The following SYNE1 variants were observed in gnomAD, a reference collection of about 807,000 sequenced individuals.
The protein encoded by SYNE1 is spectrin repeat containing nuclear envelope protein 1, also known as nesprin-1.
A neutral mutation model predicts 1,111.0 loss-of-function variants in SYNE1; 616 were observed. The ratio of observed to expected loss-of-function variants is 0.55; its 90% CI spans 0.52 to 0.59. The LOEUF (loss-of-function observed/expected upper bound fraction) is 0.59. Ranked by LOEUF, SYNE1 falls within the 20% of genes least tolerant of loss-of-function variation. SYNE1 has a pLI of 0.00. For synonymous variants in SYNE1, 3,855 were observed against 3,825.8 expected (o/e 1.01, Z -0.28); for missense variants, 10,006 against 10,417.0 (o/e 0.96, Z 1.72).
In SYNE1 at chr6:152,300,649, C is replaced by A; in HGVS notation, c.17674G>T (p.Val5892Phe). ...TGCCAACTGGGAGGTACCTGGTTAA[C>A]AGAAGCATCTGTATTAGCCACAGGT... ...PSPVANTDAS[V>F]NQDIAYYQAL... Residue 5892 changes from valine (V) to phenylalanine (F), a missense_variant, in exon 93 of 146, where the codon GTT (valine) becomes TTT (phenylalanine). By Grantham distance (50) the Val-to-Phe change is conservative. Around this residue, in one of 7 missense-constraint regions of SYNE1, gnomAD observed 4,955 missense variants for 5,017.2 expected, o/e 0.99. Coordinates refer to ENST00000367255, the MANE Select transcript of SYNE1 (RefSeq NM_182961.4). 1 of 1,614,180 alleles carries A rather than the reference C, an allele frequency of 6.2e-7. No homozygotes were observed. Among genetic ancestry groups the A allele is most frequent in the Non-Finnish European group, 8.5e-7 (1 of 1,180,044 alleles).
intron 142 of SYNE1, chr6:152,133,862 G>C (rs996844334): frequency 1.2e-4 from 25 of 210,786 alleles, no homozygotes; most frequent in African/African-American, 5.1e-4. Context: ...GCAGAAGTAT[G>C]TCTAGGTATC....
chr6:152,510,002 A>C (rs560729824), intron 8 of SYNE1, among the ~76,000 whole-genome samples, 191 bp downstream of exon 8: 6 of 152,230 alleles, frequency 3.9e-5, no homozygotes, highest in Non-Finnish European at 8.8e-5. Flanking sequence ...TAATTTTTTA[A>C]GAGCATTTTC....
At chr6:152,243,010 A>G (rs4869758) in intron 106 of SYNE1, among the ~76,000 whole-genome samples, 87,109 of 151,948 alleles carry the variant, frequency 0.57, 25,329 homozygotes, top group East Asian at 0.75. Flanking sequence ...ATATGTCTAT[A>G]AAAAATAAGG....
intron 135 of SYNE1, among the ~76,000 whole-genome samples, chr6:152,150,621 A>C (rs2060244767): frequency 6.6e-6 from 1 of 152,200 alleles, no homozygotes; most frequent in Non-Finnish European, 1.5e-5. Flanking sequence ...AAATCCATCT[A>C]TCTTGGGAGG....
At chr6:152,342,486 A>G (rs1436883728) in intron 74 of SYNE1, among the ~76,000 whole-genome samples, 1 of 152,276 alleles carries the variant, frequency 6.6e-6, no homozygotes, top group Admixed American at 6.5e-5. Flanking sequence ...AAAGTAAAAT[A>G]TGAACACTTT....
In SYNE1 at chr6:152,636,671, C is replaced by T. The variant is rs901970682; in HGVS notation, c.-257G>A. 2.0e-5 allele frequency: 3 copies of T among 152,502 alleles called. No individual in the cohort carries two copies. Among genetic ancestry groups the T allele is most frequent in the African/African-American group, 4.8e-5 (2 of 41,466 alleles). 9.4% of individuals were successfully genotyped at this position (152,502 alleles called of 1,614,324 possible). On this transcript the variant is annotated 5_prime_UTR_variant, in exon 2 of 146. Coordinates refer to ENST00000367255, the MANE Select transcript of SYNE1 (RefSeq NM_182961.4). The stretch of plus-strand genomic sequence containing the variant: ...TCGGCCTCGTTCAGTTTCCCAGCAG[C>T]AAGGCGAAGCGAGCGAACGCTTCCT...
intron 35 of SYNE1, 55 bp from the exon 36 acceptor site, chr6:152,430,265 A>G: frequency 2.1e-6 from 3 of 1,404,562 alleles, no homozygotes; most frequent in Non-Finnish European, 3.0e-6. Context: ...TAGCAAGACA[A>G]AAAAAAAAGT....
At chr6:152,158,833 T>C (rs1267205262) in intron 131 of SYNE1, among the ~76,000 whole-genome samples, 1 of 152,236 alleles carries the variant, frequency 6.6e-6, no homozygotes, top group Non-Finnish European at 1.5e-5. Flanking sequence ...TTTTATTTCA[T>C]TTTCCCTAAA....
At chr6:152,628,047 A>AAAAAAG (rs1241718716) in intron 3 of SYNE1, among the ~76,000 whole-genome samples, 1 of 150,682 alleles carries the variant, frequency 6.6e-6, no homozygotes, top group Admixed American at 6.6e-5. Flanking sequence ...AAAATTACAA[A>AAAAAAG]AAAAAAAAAA....
At chr6:152,303,564 G>A (rs1951925) in intron 91 of SYNE1, among the ~76,000 whole-genome samples, 125,381 of 151,986 alleles carry the variant, frequency 0.82, 52,362 homozygotes, top group African/African-American at 0.95. Context: ...ACTGAGGGGC[G>A]TTGGTTCTAG....
intron 130 of SYNE1, chr6:152,167,898 CTT>C (rs781535705): frequency 8.0e-6 from 6 of 750,932 alleles, no homozygotes; most frequent in Middle Eastern, 2.3e-4. Context: ...GTCCATTAAC[CTT>C]TTTGTCCAGC....
At chr6:152,548,235 C>T (rs2099324050) in intron 3 of SYNE1, among the ~76,000 whole-genome samples, 1 of 152,218 alleles carries the variant, frequency 6.6e-6, no homozygotes. Flanking sequence ...GAAGGGACAG[C>T]ACCACTCCAA....
Position 152,395,603 on chromosome 6 carries a change from T to C in SYNE1, c.7625A>G (p.Asn2542Ser), listed in dbSNP as rs1215589518. The C allele has an allele frequency of 3.7e-6, 6 of 1,614,078 alleles. No homozygotes were observed. The highest frequency in any genetic ancestry group is 5.1e-6 in the Non-Finnish European group (6 of 1,180,030). The change falls in exon 51 of 146, where the codon AAC becomes AGC. Residue 2542 changes from asparagine (N) to serine (S), a missense_variant. Physicochemically the swap from Asn to Ser is conservative, Grantham distance 46 (BLOSUM62 1). This residue lies in a region of SYNE1 where 4,955 missense variants were observed against 5,017.2 expected (regional missense o/e 0.99). Transcript: ENST00000367255. Reference protein sequence around the residue: ...HEMEERFNTENLGESKQHIPE... With the variant: ...HEMEERFNTESLGESKQHIPE... ...AATGTGCTGTTTACTCTCTCCCAAG[T>C]TTTCCGTATTGAACCTTTCTTCCAT...
chr6:152,466,300 A>G (rs1318269129), intron 16 of SYNE1, among the ~76,000 whole-genome samples: 1 of 152,222 alleles, frequency 6.6e-6, no homozygotes, highest in Non-Finnish European at 1.5e-5. Flanking sequence ...CAGGACTGAG[A>G]AAATATTCTA....
chr6:152,246,549 G>C (rs1325284312), intron 105 of SYNE1, among the ~76,000 whole-genome samples: 7 of 152,160 alleles, frequency 4.6e-5, no homozygotes, highest in African/African-American at 1.7e-4. Context: ...AAAAGACAAA[G>C]AAAGGTCTCT....
At position 152,298,036 on chromosome 6, in the gene SYNE1, T is replaced by C. The variant is rs374370319; in HGVS notation, c.17682+2605A>G. 5.9e-5 allele frequency among the ~76,000 whole-genome samples: 9 copies of C among 152,338 alleles called. No homozygotes were observed. The South Asian group carries it at 1.4e-3, about 25-fold the overall frequency. ...GTCACTGTTACAAATACGTTTCTCATTGCTTATGTGCCTAAGTTATAAGAC... is the reference window on the plus strand; with the variant it reads ...GTCACTGTTACAAATACGTTTCTCACTGCTTATGTGCCTAAGTTATAAGAC... On this transcript the variant is annotated intron_variant, in intron 93 of 145. Coordinates refer to ENST00000367255, the MANE Select transcript of SYNE1 (RefSeq NM_182961.4).
chr6:152,633,134 T>G (rs112726903), intron 2 of SYNE1, among the ~76,000 whole-genome samples: 3 of 152,280 alleles, frequency 2.0e-5, no homozygotes, highest in African/African-American at 7.2e-5. Context: ...AAAACAGTTT[T>G]TAATAGGTGC....
intron 14 of SYNE1, among the ~76,000 whole-genome samples, chr6:152,479,975 A>T (rs761955828): frequency 7.9e-5 from 12 of 152,250 alleles, no homozygotes; most frequent in Non-Finnish European, 1.8e-4. Context: ...TGAAGAATGA[A>T]AAAAACCAAG....
chr6:152,140,150 G>A lies in SYNE1; in HGVS notation c.25258C>T (p.Arg8420Ter), dbSNP rs752405799. The change falls in exon 140 of 146, where the codon CGA becomes TGA. Residue 8420 changes from arginine to a stop codon, truncating the protein, a stop_gained. Transcript: ENST00000367255. LOFTEE classifies it high-confidence loss of function. ...TETQTAGVIDRWELLQAQALS... is the reference protein window; with the variant it reads ...TETQTAGVID ...GCCTGGGCCTGGAGAAGCTCCCATC[G>A]GTCAATCACACCTGGCAAGACATGC... The A allele has an allele frequency of 5.6e-6, 9 of 1,614,024 alleles. No homozygotes were observed. Among genetic ancestry groups the A allele is most frequent in the African/African-American group, 2.7e-5 (2 of 74,922 alleles).
Sources: allele counts gnomAD v4.1 joint callset (sites outside exome capture counted in the v4.1 genomes callset), GRCh38; gene constraint gnomAD v4.1.1; regional missense constraint gnomAD v4.1.1; transcripts MANE v1.5; gene names NCBI Gene and HGNC (gene_info 2026-07-23, HGNC 2026-07-21).